Variants in RNF144A observed in about 807,000 individuals in gnomAD.
The protein encoded by RNF144A is E3 ubiquitin-protein ligase RNF144A.
In RNF144A, 11 loss-of-function variants were observed where a neutral mutation model predicts 38.7. The observed-to-expected ratio is 0.28, with a 90% CI of 0.18 to 0.47. The LOEUF is 0.47. Among genes scored for constraint, RNF144A ranks in the 20% least tolerant of loss-of-function variants. RNF144A has a pLI of 0.99. For synonymous variants in RNF144A, 149 were observed against 143.9 expected, an observed-to-expected ratio of 1.04 and a Z score of -0.25; for missense variants, 316 against 377.2, an observed-to-expected ratio of 0.84 and a Z score of 1.34.
Position 7,015,249 on chromosome 2 carries a change from G to A in RNF144A, c.301+477G>A, listed in dbSNP as rs114191843. Among the ~76,000 whole-genome samples, 683 of 152,328 alleles carry A rather than the reference G, an allele frequency of 4.5e-3. 4 individuals are homozygous for A. Among genetic ancestry groups the A allele is most frequent in the African/African-American group, 0.016 (666 of 41,576 alleles). On this transcript the variant is annotated intron_variant, in intron 5 of 8. Transcript: ENST00000320892. ...CTGCGCTTACTCACCACTGGACACAGACCTAGATAGTAGGTGGTGAATGAA... is the reference window on the plus strand; with the variant it reads ...CTGCGCTTACTCACCACTGGACACAAACCTAGATAGTAGGTGGTGAATGAA...
At chr2:6,945,721 T>C (rs1277135900) in intron 2 of RNF144A, among the ~76,000 whole-genome samples, 2 of 152,138 alleles carry the variant, frequency 1.3e-5, no homozygotes, top group Non-Finnish European at 2.9e-5. Context: ...GTTGACTTTT[T>C]TTTTTTTTGG....
chr2:6,951,548 T>C (rs1175877824), intron 2 of RNF144A, among the ~76,000 whole-genome samples: 2 of 152,254 alleles, frequency 1.3e-5, no homozygotes, highest in Non-Finnish European at 2.9e-5. Flanking sequence ...TGTAGGTCAA[T>C]TTAGAAAGAA....
Position 7,041,499 on chromosome 2 carries a change from G to C in RNF144A, c.*1739G>C, listed in dbSNP as rs1673040669. ...TTAGTAACTCAGTAAGAACATGCCT[G>C]CGACTCCCTTTCTGGATGGAACCTG... On this transcript the variant is annotated 3_prime_UTR_variant, in exon 9 of 9. Transcript: ENST00000320892. The C allele has an allele frequency of 1.0e-6, 1 of 985,860 alleles. No homozygotes were observed. The highest frequency in any genetic ancestry group is 1.7e-5 in the African/African-American group (1 of 57,230). 61.1% of individuals were successfully genotyped at this position (985,860 alleles called of 1,614,324 possible). A position where few individuals can be genotyped will look rare whatever the true frequency, so the allele number is the denominator to read the frequency against.
chr2:7,034,288 T>C (rs950757903), intron 8 of RNF144A, among the ~76,000 whole-genome samples: 28 of 149,428 alleles, frequency 1.9e-4, no homozygotes, highest in African/African-American at 6.6e-4. Flanking sequence ...AAAAAAAAAG[T>C]TCACAAAAGT....
intron 3 of RNF144A, among the ~76,000 whole-genome samples, chr2:7,001,405 A>C (rs1670092703): frequency 6.6e-6 from 1 of 152,190 alleles, no homozygotes; most frequent in African/African-American, 2.4e-5. Context: ...GCCCAGGCAC[A>C]GTGTCTCCTG....
chr2:6,966,115 G>A (rs896057109), intron 2 of RNF144A, among the ~76,000 whole-genome samples: 3 of 152,226 alleles, frequency 2.0e-5, no homozygotes, highest in Non-Finnish European at 2.9e-5. Flanking sequence ...AATAGACTGT[G>A]TGAGTATGAT....
intron 8 of RNF144A, among the ~76,000 whole-genome samples, chr2:7,031,247 T>G (rs1394174806): frequency 6.6e-6 from 1 of 152,212 alleles, no homozygotes; most frequent in Non-Finnish European, 1.5e-5. Flanking sequence ...TTGGTTAATA[T>G]TAACTTGTGC....
chr2:7,004,030 C>A (rs905831036), intron 3 of RNF144A, among the ~76,000 whole-genome samples: 4 of 152,240 alleles, frequency 2.6e-5, no homozygotes, highest in African/African-American at 9.6e-5. Context: ...TAACTTCCCT[C>A]TCTCCTCTTG....
intron 2 of RNF144A, among the ~76,000 whole-genome samples, chr2:6,978,221 T>C (rs1256026435): frequency 1.3e-5 from 2 of 152,200 alleles, no homozygotes; most frequent in African/African-American, 2.4e-5. Context: ...AGGCCTATGA[T>C]GGCCTGTGAA....
At chr2:6,921,287 C>G (rs1456847507) in intron 1 of RNF144A, among the ~76,000 whole-genome samples, 1 of 152,188 alleles carries the variant, frequency 6.6e-6, no homozygotes, top group Non-Finnish European at 1.5e-5. Context: ...AAGGAGCAGG[C>G]TTATAAGCTG....
At chr2:7,005,027 T>C (rs535076066) in intron 3 of RNF144A, among the ~76,000 whole-genome samples, 1 of 152,374 alleles carries the variant, frequency 6.6e-6, no homozygotes, top group East Asian at 1.9e-4. Context: ...CTGCTGCTGC[T>C]ATGGTTTTAT....
intron 2 of RNF144A, among the ~76,000 whole-genome samples, chr2:6,969,704 C>T (rs570469693): frequency 5.9e-5 from 9 of 152,288 alleles, no homozygotes; most frequent in South Asian, 4.1e-4. Context: ...CCTCAAGTGA[C>T]GGATTGCAGG....
At chr2:7,022,746 T>A (rs1671617909) in intron 6 of RNF144A, among the ~76,000 whole-genome samples, 2 of 152,216 alleles carry the variant, frequency 1.3e-5, no homozygotes, top group African/African-American at 4.8e-5. Flanking sequence ...AAAGTCATTC[T>A]CAGAAGGAGG....
chr2:7,045,792 G>A (rs1275685061), downstream of RNF144A, among the ~76,000 whole-genome samples: 1 of 152,182 alleles, frequency 6.6e-6, no homozygotes, highest in Non-Finnish European at 1.5e-5. Context: ...GGTACAGCAG[G>A]TGGCGGGGCT....
At chr2:7,048,288 G>A (rs114256806), downstream of RNF144A, among the ~76,000 whole-genome samples, 677 of 152,286 alleles carry the variant, frequency 4.4e-3, 10 homozygotes, top group African/African-American at 0.016. Context: ...AGCATCAGGT[G>A]GGAGATGGTG....
chr2:7,075,850 G>C, the RNF144A span, among the ~76,000 whole-genome samples: 14 of 152,276 alleles, frequency 9.2e-5, no homozygotes, highest in Admixed American at 7.2e-4. Flanking sequence ...TAAGGGGAAG[G>C]GGGGACATGT....
chr2:7,068,075 C>T lies in RNF144A; in HGVS notation c.735-141C>T, dbSNP rs191537332. 75 of 410,772 alleles carry T rather than the reference C, an allele frequency of 1.8e-4. No individual in the cohort carries two copies. In the East Asian group the frequency reaches 3.6e-3, roughly 20 times the overall value. 25.4% of individuals were successfully genotyped at this position (410,772 alleles called of 1,614,324 possible). A position where few individuals can be genotyped will look rare whatever the true frequency, so the allele number is the denominator to read the frequency against. Reference sequence around the variant, plus strand: ...AATTCCCACTTACCAGTGCTGTGCTCCGAGTTGGGCTCAATCTCTCTTCCC... The same window carrying T: ...AATTCCCACTTACCAGTGCTGTGCTTCGAGTTGGGCTCAATCTCTCTTCCC... On this transcript the variant is annotated intron_variant, in intron 6 of 6. Transcript: ENST00000432850.
intron 2 of RNF144A, among the ~76,000 whole-genome samples, chr2:6,942,505 G>A (rs980264498): frequency 6.6e-6 from 1 of 152,222 alleles, no homozygotes; most frequent in African/African-American, 2.4e-5. Context: ...CAGCAGCAGG[G>A]AAAAGTGGCC....
rs1672969711 is a variant in RNF144A at position 7,040,337 on chromosome 2, T to C, written c.*577T>C. On this transcript the variant is annotated 3_prime_UTR_variant, in exon 9 of 9. Transcript: ENST00000320892. ...TCTTGAAATGTGCATTTTAAGAAGT[T>C]ATAGTTAAACGACTTTTCAGGAGAT... is the stretch of plus-strand genomic sequence containing the variant. 1.0e-6 allele frequency: 1 copy of C among 985,430 alleles called. No individual in the cohort carries two copies. The highest frequency in any genetic ancestry group is 1.2e-6 in the Non-Finnish European group (1 of 830,016). The allele number at this position is 985,430 out of a possible 1,614,324, so 61.0% of individuals were successfully genotyped here. A position where few individuals can be genotyped will look rare whatever the true frequency, so the allele number is the denominator to read the frequency against.
Sources: allele counts gnomAD v4.1 joint callset (sites outside exome capture counted in the v4.1 genomes callset), GRCh38; gene constraint gnomAD v4.1.1; transcripts MANE v1.5; gene names NCBI Gene and HGNC (gene_info 2026-07-23, HGNC 2026-07-21).